AGBL2: variants seen among roughly 807,000 people sequenced by gnomAD.
AGBL2 encodes cytosolic carboxypeptidase 2.
Under a neutral mutation model 103.0 loss-of-function variants are expected in AGBL2, and 87 were observed. That is an observed-to-expected ratio of 0.84 (90% confidence interval 0.71 to 1.01). The LOEUF (loss-of-function observed/expected upper bound fraction) is 1.01. Among genes scored for constraint, AGBL2 ranks in the 50% least tolerant of loss-of-function variants. AGBL2 has a pLI of 0.00. For missense variants in AGBL2, 904 were observed against 1,023.5 expected (o/e 0.88, Z 1.59); for synonymous variants, 335 against 356.7 (o/e 0.94, Z 0.69).
At chr11:47,686,970 A>AAG (rs1325082239) in intron 10 of AGBL2, among the ~76,000 whole-genome samples, 1 of 117,796 alleles carries the variant, frequency 8.5e-6, no homozygotes, top group East Asian at 2.7e-4. Flanking sequence ...AAAAAAAAAA[A>AAG]AAAAAAAAAT....
At chr11:47,661,775 G>C (rs1227076804) in intron 18 of AGBL2, among the ~76,000 whole-genome samples, 1 of 150,250 alleles carries the variant, frequency 6.7e-6, no homozygotes, top group Non-Finnish European at 1.5e-5. Flanking sequence ...TTTTTTTGGA[G>C]ACAGAGTCTC....
intron 12 of AGBL2, 78 bp downstream of exon 12, chr11:47,681,891 A>G (rs1374480416): frequency 1.4e-5 from 21 of 1,539,038 alleles, no homozygotes; most frequent in Non-Finnish European, 1.6e-5. Flanking sequence ...CCCAGCATTC[A>G]AAGGCATTTT....
chr11:47,701,453 G>C (rs1382196678), intron 7 of AGBL2, among the ~76,000 whole-genome samples: 2 of 142,466 alleles, frequency 1.4e-5, no homozygotes, highest in Non-Finnish European at 3.0e-5. Flanking sequence ...CTGGGCGACA[G>C]AGCAAGACTC....
chr11:47,705,653 A>AAG lies in AGBL2; in HGVS notation c.287-20_287-19insCT, dbSNP rs778129435. ...TGAAAGTCTGTGTCAAAAAAAAAAA[A>AAG]AAAAGAAAAAGAAAAAGAAGAAAGG... On this transcript the variant is annotated intron_variant, in intron 5 of 18. Transcript: ENST00000525123. 6.9e-6 allele frequency: 4 copies of AAG among 583,594 alleles called. No homozygotes were observed. The highest frequency in any genetic ancestry group is 4.3e-5 in the South Asian group (2 of 46,802). The allele number at this position is 583,594 out of a possible 1,614,324, so 36.2% of individuals were successfully genotyped here.
At chr11:47,697,823 G>A (rs1457379956) in intron 8 of AGBL2, among the ~76,000 whole-genome samples, 1 of 151,884 alleles carries the variant, frequency 6.6e-6, no homozygotes, top group African/African-American at 2.4e-5. Context: ...TGGGATTACA[G>A]GCGTGAGTCA....
chr11:47,697,981 C>T (rs547160609), intron 8 of AGBL2, among the ~76,000 whole-genome samples: 26 of 151,566 alleles, frequency 1.7e-4, no homozygotes, highest in African/African-American at 5.3e-4. Context: ...CCTGCCTCAG[C>T]CTCCTGAGTA....
Position 47,660,053 on chromosome 11 carries a change from G to A in AGBL2, c.*120C>T, listed in dbSNP as rs1427832870. ...TACAAAGTGTAAGGTCAGTGCATGA[G>A]TGCACAACACAGTATACCACAAGTA... On this transcript the variant is annotated 3_prime_UTR_variant, in exon 19 of 19. Coordinates refer to ENST00000525123, the MANE Select transcript of AGBL2 (RefSeq NM_024783.4). The A allele has an allele frequency of 2.0e-5, 22 of 1,107,400 alleles. No individual in the cohort carries two copies. The East Asian group carries it at 5.3e-4, about 27-fold the overall frequency. 68.6% of individuals were successfully genotyped at this position (1,107,400 alleles called of 1,614,324 possible).
Position 47,678,338 on chromosome 11 carries a change from A to ATTATTTTTTTTTTTTTTTTTT in AGBL2, c.2017-938_2017-937insAAAAAAAAAAAAAAAAAATAA, listed in dbSNP as rs1565026654. ...TTATTTTATTTTATTTTATTTTATT[A>ATTATTTTTTTTTTTTTTTTTT]TTTTATTTTTTTTGAGACGGAGTCT... On this transcript the variant is annotated intron_variant, in intron 13 of 18. Coordinates refer to ENST00000525123, the MANE Select transcript of AGBL2 (RefSeq NM_024783.4). 2.7e-3 allele frequency among the ~76,000 whole-genome samples: 260 copies of ATTATTTTTTTTTTTTTTTTTT among 95,112 alleles called. 7 individuals carry two copies. Among genetic ancestry groups the ATTATTTTTTTTTTTTTTTTTT allele is most frequent in the South Asian group, 4.6e-3 (12 of 2,610 alleles). The allele number at this position is 95,112 out of a possible 152,430, so 62.4% of individuals were successfully genotyped here.
chr11:47,669,907 G>A (rs566271975), intron 14 of AGBL2, among the ~76,000 whole-genome samples: 50 of 152,204 alleles, frequency 3.3e-4, no homozygotes, highest in Admixed American at 7.9e-4. Context: ...CACTGTACCC[G>A]GTACCCAAAA....
At chr11:47,671,420 T>A (rs1171076472) in intron 14 of AGBL2, among the ~76,000 whole-genome samples, 1 of 152,112 alleles carries the variant, frequency 6.6e-6, no homozygotes, top group Admixed American at 6.6e-5. Flanking sequence ...CTCGGGAGGC[T>A]GAGGCATGAG....
intron 18 of AGBL2, among the ~76,000 whole-genome samples, chr11:47,662,495 CTTTT>C (rs11304684): frequency 1.5e-5 from 2 of 134,820 alleles, no homozygotes. Context: ...TACTCGTTCA[CTTTT>C]TTTTTTTTTT....
chr11:47,677,462 A>T (rs940340466), intron 13 of AGBL2, 61 bp from the exon 14 acceptor site: 10 of 1,126,214 alleles, frequency 8.9e-6, no homozygotes, highest in African/African-American at 1.7e-5. Context: ...ATTTATTATT[A>T]TTATTTTTGA....
At chr11:47,681,933 C>T (rs763504221) in intron 12 of AGBL2, 36 bp downstream of exon 12, 3 of 1,593,848 alleles carry the variant, frequency 1.9e-6, no homozygotes, top group African/African-American at 1.4e-5. Context: ...GATTTCCCTT[C>T]CTATGCTGGC....
chr11:47,674,083 A>G (rs1020178941), intron 14 of AGBL2, among the ~76,000 whole-genome samples: 8 of 151,676 alleles, frequency 5.3e-5, no homozygotes, highest in Non-Finnish European at 1.0e-4. Context: ...GAAGAGTGAA[A>G]GTCTGTCTCA....
At position 47,695,488 on chromosome 11, in the gene AGBL2, A is replaced by C. The variant is rs549996126; in HGVS notation, c.695-3232T>G. Among the ~76,000 whole-genome samples the C allele has an allele frequency of 8.0e-5, 12 of 150,022 alleles. No homozygotes were observed. The South Asian group carries it at 2.3e-3, about 29-fold the overall frequency. ...GAAACTCTGTCTCAAAAAAAAAAAA[A>C]AAAAAAACAGTTGAGGGGAATGGGA... On this transcript the variant is annotated intron_variant, in intron 8 of 18. Transcript: ENST00000525123.
At chr11:47,683,961 G>A (rs1175792480) in intron 11 of AGBL2, among the ~76,000 whole-genome samples, 1 of 149,976 alleles carries the variant, frequency 6.7e-6, no homozygotes, top group Non-Finnish European at 1.5e-5. Flanking sequence ...AAAAAATCCA[G>A]TCTAGGCCGT....
rs868263465 is a variant in AGBL2, at chr11:47,709,499, T to C, written c.232+878A>G. Reference sequence around the variant, plus strand: ...GTGTCTCTGCAAAAAATTATTTTTTTGTGTAAGCTAGCTAGAACTGTTTTC... The same window carrying C: ...GTGTCTCTGCAAAAAATTATTTTTTCGTGTAAGCTAGCTAGAACTGTTTTC... On this transcript the variant is annotated intron_variant, in intron 4 of 18. Coordinates refer to ENST00000525123, the MANE Select transcript of AGBL2 (RefSeq NM_024783.4). Among the ~76,000 whole-genome samples the C allele has an allele frequency of 5.3e-5, 8 of 152,318 alleles. No homozygotes were observed. The South Asian group carries it at 1.4e-3, about 28-fold the overall frequency.
Position 47,667,564 on chromosome 11 carries a change from T to G in AGBL2, c.2340+7A>C. Reference sequence around the variant, plus strand: ...GACAGTAGAAATAGCCAGCAAGTCTTTCTTACTGAGGTATCTTCTGTTAAC... The same window carrying G: ...GACAGTAGAAATAGCCAGCAAGTCTGTCTTACTGAGGTATCTTCTGTTAAC... On this transcript the variant is annotated splice_region_variant and intron_variant, in intron 16 of 18. Transcript: ENST00000525123. 1.2e-6 allele frequency: 2 copies of G among 1,613,038 alleles called. No individual in the cohort carries two copies. Among genetic ancestry groups the G allele is most frequent in the East Asian group, 4.5e-5 (2 of 44,878 alleles).
chr11:47,668,322 C>T (rs2097347329), intron 15 of AGBL2, among the ~76,000 whole-genome samples: 1 of 150,898 alleles, frequency 6.6e-6, no homozygotes, highest in Non-Finnish European at 1.5e-5. Context: ...GGATGGCCAA[C>T]CCCATCTCTA....
Sources: allele counts gnomAD v4.1 joint callset (sites outside exome capture counted in the v4.1 genomes callset), GRCh38; gene constraint gnomAD v4.1.1; transcripts MANE v1.5; gene names NCBI Gene and HGNC (gene_info 2026-07-23, HGNC 2026-07-21).